Variants in DYNC1I1 observed in about 807,000 individuals in gnomAD.
The protein encoded by DYNC1I1 is dynein cytoplasmic 1 intermediate chain 1, also known as cytoplasmic dynein 1 intermediate chain 1.
DYNC1I1 carries 43 observed loss-of-function variants against 86.6 expected under a neutral mutation model. The ratio of observed to expected loss-of-function variants is 0.50; its 90% CI spans 0.39 to 0.64. DYNC1I1 has a LOEUF of 0.64. Ranked by LOEUF, DYNC1I1 falls within the 30% of genes least tolerant of loss-of-function variation. DYNC1I1 has a pLI of 0.00. For missense variants in DYNC1I1, 604 were observed against 788.8 expected (o/e 0.77, Z 2.81); for synonymous variants, 262 against 283.7 (o/e 0.92, Z 0.77).
intron 7 of DYNC1I1, among the ~76,000 whole-genome samples, chr7:95,979,649 G>T (rs190309286): frequency 4.6e-5 from 7 of 152,310 alleles, no homozygotes; most frequent in Admixed American, 3.9e-4. Context: ...CTTTAAACTT[G>T]TTGGAGAACT....
At chr7:96,034,542 TTCTC>T (rs1794888583) in intron 12 of DYNC1I1, among the ~76,000 whole-genome samples, 1 of 152,178 alleles carries the variant, frequency 6.6e-6, no homozygotes. Flanking sequence ...GGCCTGGTCT[TTCTC>T]TCTCCCAAAT....
At chr7:95,898,884 T>C (rs963388428) in intron 6 of DYNC1I1, among the ~76,000 whole-genome samples, 1 of 152,158 alleles carries the variant, frequency 6.6e-6, no homozygotes, top group African/African-American at 2.4e-5. Context: ...GAAGATTTCA[T>C]TATGGAAATG....
intron 9 of DYNC1I1, among the ~76,000 whole-genome samples, chr7:95,995,249 A>T (rs542201838): frequency 7.0e-6 from 1 of 143,058 alleles, no homozygotes; most frequent in Non-Finnish European, 1.5e-5. Context: ...TCCATCTCAA[A>T]AAATAAATAA....
intron 6 of DYNC1I1, among the ~76,000 whole-genome samples, chr7:95,927,507 A>C (rs906834986): frequency 5.3e-5 from 8 of 152,192 alleles, no homozygotes; most frequent in African/African-American, 1.9e-4. Flanking sequence ...GGATTAGTTA[A>C]AAATACTATA....
intron 6 of DYNC1I1, among the ~76,000 whole-genome samples, chr7:95,931,763 G>A (rs12535877): frequency 0.048 from 7,321 of 152,228 alleles, 658 homozygotes; most frequent in East Asian, 0.33. Flanking sequence ...AGCCTGAAAT[G>A]TTTACTGACT....
chr7:95,938,118 G>C (rs1393002003), intron 6 of DYNC1I1, among the ~76,000 whole-genome samples: 1 of 152,078 alleles, frequency 6.6e-6, no homozygotes, highest in Non-Finnish European at 1.5e-5. Flanking sequence ...TTAGCAGTTT[G>C]TTTTCTTATC....
intron 4 of DYNC1I1, among the ~76,000 whole-genome samples, chr7:95,817,675 A>C (rs1794977445): frequency 6.6e-6 from 1 of 152,158 alleles, no homozygotes; most frequent in Non-Finnish European, 1.5e-5. Context: ...TAATTACATA[A>C]AATTATTAAA....
At chr7:96,083,764 G>T (rs576851791) in intron 16 of DYNC1I1, among the ~76,000 whole-genome samples, 1 of 152,256 alleles carries the variant, frequency 6.6e-6, no homozygotes, top group South Asian at 2.1e-4. Context: ...TTGCCAGTAG[G>T]CTCTGCCACC....
intron 14 of DYNC1I1, among the ~76,000 whole-genome samples, chr7:96,050,708 A>AAAGTTGCCC (rs1486699083): frequency 6.6e-6 from 1 of 152,134 alleles, no homozygotes; most frequent in Admixed American, 6.5e-5. Context: ...TGCTTCTTCA[A>AAAGTTGCCC]AAGTTGCCCT....
intron 6 of DYNC1I1, among the ~76,000 whole-genome samples, chr7:95,925,204 A>C (rs1024619093): frequency 3.3e-5 from 5 of 152,128 alleles, no homozygotes; most frequent in Non-Finnish European, 7.4e-5. Flanking sequence ...AGACTTGCCA[A>C]TATGTTATCA....
At chr7:96,079,044 T>G (rs1347773926) in intron 15 of DYNC1I1, among the ~76,000 whole-genome samples, 7 of 152,180 alleles carry the variant, frequency 4.6e-5, no homozygotes, top group Non-Finnish European at 7.4e-5. Context: ...TTTGTTTTTT[T>G]GCTCACAATT....
At chr7:96,080,037 T>C (rs1457048507) in intron 15 of DYNC1I1, among the ~76,000 whole-genome samples, 1 of 152,146 alleles carries the variant, frequency 6.6e-6, no homozygotes, top group East Asian at 1.9e-4. Context: ...TGGGGAAGGA[T>C]CCCATTTAGC....
intron 12 of DYNC1I1, among the ~76,000 whole-genome samples, chr7:96,033,004 A>G (rs933837854): frequency 6.6e-6 from 1 of 152,236 alleles, no homozygotes; most frequent in African/African-American, 2.4e-5. Flanking sequence ...TCCTTAGGTC[A>G]GTTTCAAGTG....
At chr7:95,947,480 G>A (rs1792433649) in intron 6 of DYNC1I1, among the ~76,000 whole-genome samples, 1 of 152,070 alleles carries the variant, frequency 6.6e-6, no homozygotes, top group African/African-American at 2.4e-5. Context: ...CTTGAGTCCT[G>A]CCACCATTGG....
chr7:95,963,098 T>C (rs550244486), intron 6 of DYNC1I1, among the ~76,000 whole-genome samples: 1 of 152,308 alleles, frequency 6.6e-6, no homozygotes, highest in Admixed American at 6.5e-5. Flanking sequence ...TTTCTCTTCC[T>C]GAAATGAAAC....
intron 6 of DYNC1I1, among the ~76,000 whole-genome samples, chr7:95,920,917 G>A (rs1791593321): frequency 6.6e-6 from 1 of 152,078 alleles, no homozygotes; most frequent in Admixed American, 6.6e-5. Flanking sequence ...CCCATTTTTA[G>A]GATTGTCATG....
intron 1 of DYNC1I1, among the ~76,000 whole-genome samples, chr7:95,786,999 T>G (rs921270179): frequency 7.2e-5 from 11 of 152,330 alleles, no homozygotes; most frequent in African/African-American, 2.6e-4. Context: ...GGACCAGCAG[T>G]TAGCTATACA....
chr7:95,947,548 G>C (rs1321950477), intron 6 of DYNC1I1, among the ~76,000 whole-genome samples: 1 of 152,096 alleles, frequency 6.6e-6, no homozygotes, highest in Non-Finnish European at 1.5e-5. Flanking sequence ...GTTTTTGGGT[G>C]GGAGATGCCC....
rs370723523 is a variant in DYNC1I1 at position 95,785,398 on chromosome 7, A to G, written c.-10+12625A>G. On this transcript the variant is annotated intron_variant, in intron 1 of 16. Coordinates refer to ENST00000447467, the MANE Select transcript of DYNC1I1 (RefSeq NM_001135556.2). The stretch of plus-strand genomic sequence containing the variant: ...CATTGCACTCCAGCCTGGGCGACAC[A>G]GTGAGACTCTATCTCAAACAAACAA... 4.6e-5 allele frequency among the ~76,000 whole-genome samples: 7 copies of G among 152,278 alleles called. No individual in the cohort carries two copies. In the South Asian group the frequency reaches 1.5e-3, roughly 32 times the overall value.
Sources: allele counts gnomAD v4.1 joint callset (sites outside exome capture counted in the v4.1 genomes callset), GRCh38; gene constraint gnomAD v4.1.1; transcripts MANE v1.5; gene names NCBI Gene and HGNC (gene_info 2026-07-23, HGNC 2026-07-21).